The following FAM81B variants were observed in gnomAD, a reference collection of about 807,000 sequenced individuals.
The protein encoded by FAM81B is protein FAM81B.
Under a neutral mutation model 58.7 loss-of-function variants are expected in FAM81B, and 60 were observed. That is an observed-to-expected ratio of 1.02 (90% CI 0.83 to 1.27). The LOEUF (loss-of-function observed/expected upper bound fraction) is 1.27, where lower values mean the gene tolerates loss of function less well. FAM81B is among the 50% of genes most tolerant of loss of function. FAM81B has a pLI of 0.00. For missense variants in FAM81B, 491 were observed against 522.0 expected (o/e 0.94, Z 0.58); for synonymous variants, 189 against 179.6 (o/e 1.05, Z -0.42).
intron 3 of FAM81B, among the ~76,000 whole-genome samples, chr5:95,412,911 T>G (rs1304284447): frequency 6.6e-6 from 1 of 152,184 alleles, no homozygotes; most frequent in East Asian, 1.9e-4. Flanking sequence ...CTATGTTAGA[T>G]TTAGTGGCAA....
intron 5 of FAM81B, among the ~76,000 whole-genome samples, chr5:95,422,081 T>G (rs1180743316): frequency 2.6e-5 from 4 of 151,778 alleles, no homozygotes; most frequent in Non-Finnish European, 5.9e-5. Flanking sequence ...AGGGAGGAGG[T>G]GTCAGGGATG....
intron 3 of FAM81B, among the ~76,000 whole-genome samples, chr5:95,404,228 C>A: frequency 6.6e-6 from 1 of 152,146 alleles, no homozygotes; most frequent in East Asian, 1.9e-4. Flanking sequence ...TCCCTTCTGC[C>A]TCTGACTCAT....
At chr5:95,409,459 T>C (rs930915145) in intron 3 of FAM81B, among the ~76,000 whole-genome samples, 1 of 111,938 alleles carries the variant, frequency 8.9e-6, no homozygotes, top group Non-Finnish European at 2.1e-5. Context: ...ACGCCTGGCC[T>C]GTCATCAGTT....
At chr5:95,407,158 A>T (rs1762269526) in intron 3 of FAM81B, among the ~76,000 whole-genome samples, 1 of 152,058 alleles carries the variant, frequency 6.6e-6, no homozygotes, top group African/African-American at 2.4e-5. Flanking sequence ...CCCACCAGAC[A>T]GTTGAAGTAT....
intron 3 of FAM81B, among the ~76,000 whole-genome samples, chr5:95,398,876 G>A (rs1469450837): frequency 6.6e-6 from 1 of 152,142 alleles, no homozygotes; most frequent in Admixed American, 6.5e-5. Context: ...GAACAGAAAG[G>A]GGGCAAGGAT....
chr5:95,397,227 A>G (rs1761988284), intron 3 of FAM81B, among the ~76,000 whole-genome samples: 1 of 152,230 alleles, frequency 6.6e-6, no homozygotes, highest in African/African-American at 2.4e-5. Flanking sequence ...CATGTTCCAC[A>G]TAACTTGTAT....
chr5:95,421,758 G>C (rs1279189950), intron 5 of FAM81B, among the ~76,000 whole-genome samples: 1 of 152,196 alleles, frequency 6.6e-6, no homozygotes, highest in Non-Finnish European at 1.5e-5. Flanking sequence ...CAAGGCACTA[G>C]CCATGAAAGC....
intron 3 of FAM81B, among the ~76,000 whole-genome samples, chr5:95,402,786 AC>A (rs1762148134): frequency 1.3e-5 from 2 of 152,114 alleles, no homozygotes; most frequent in Admixed American, 6.6e-5. Flanking sequence ...GACCCTCTTA[AC>A]CTCAGACATA....
At chr5:95,393,428 G>C (rs751989372) in intron 2 of FAM81B, among the ~76,000 whole-genome samples, 1 of 152,112 alleles carries the variant, frequency 6.6e-6, no homozygotes, top group East Asian at 1.9e-4. Context: ...TTATATAATA[G>C]GCTGTACCAC....
At chr5:95,398,299 A>G (rs1762014388) in intron 3 of FAM81B, among the ~76,000 whole-genome samples, 1 of 151,946 alleles carries the variant, frequency 6.6e-6, no homozygotes, top group South Asian at 2.1e-4. Context: ...TGCACCTGTA[A>G]TCCCAGCTAC....
chr5:95,396,089 G>A (rs1407588314), intron 2 of FAM81B, 22 bp from the exon 3 acceptor site: 1 of 1,581,996 alleles, frequency 6.3e-7, no homozygotes, highest in Non-Finnish European at 8.6e-7. Context: ...GATATATTCT[G>A]AATCTGTAAC....
At chr5:95,415,059 A>G (rs1762502107) in intron 4 of FAM81B, among the ~76,000 whole-genome samples, 1 of 152,232 alleles carries the variant, frequency 6.6e-6, no homozygotes, top group South Asian at 2.1e-4. Flanking sequence ...TAAATTAATT[A>G]ATTTTAAGGC....
intron 3 of FAM81B, among the ~76,000 whole-genome samples, chr5:95,400,827 G>T (rs935377922): frequency 6.6e-6 from 1 of 152,018 alleles, no homozygotes; most frequent in African/African-American, 2.4e-5. Flanking sequence ...CCTCAGAGAG[G>T]TTGAAGTTAG....
At chr5:95,396,014 A>C (rs1761955722) in intron 2 of FAM81B, 97 bp from the exon 3 acceptor site, 1 of 958,634 alleles carries the variant, frequency 1.0e-6, no homozygotes, top group Admixed American at 2.3e-5. Flanking sequence ...TATGGTATAC[A>C]TTTTGTTTAA....
chr5:95,433,433 T>A (rs1357450956), intron 6 of FAM81B, among the ~76,000 whole-genome samples: 1 of 152,122 alleles, frequency 6.6e-6, no homozygotes, highest in Non-Finnish European at 1.5e-5. Context: ...GTCCTTCTCA[T>A]GACATGTAGG....
In FAM81B at chr5:95,428,846, A is replaced by G. The variant is rs964955418; in HGVS notation, c.786+114A>G. The stretch of plus-strand genomic sequence containing the variant: ...TTTTTTAAGAGAACTCTTTTCTTCC[A>G]AAGGGTGTAATTCTGACAGCTCACT... On this transcript the variant is annotated intron_variant, in intron 6 of 9. Transcript: ENST00000283357. 3.5e-6 allele frequency: 5 copies of G among 1,424,046 alleles called. No homozygotes were observed. In the African/African-American group the frequency reaches 7.1e-5, roughly 20 times the overall value. 88.2% of individuals were successfully genotyped at this position (1,424,046 alleles called of 1,614,324 possible).
At chr5:95,394,231 A>G (rs1006394307) in intron 2 of FAM81B, among the ~76,000 whole-genome samples, 2 of 152,236 alleles carry the variant, frequency 1.3e-5, no homozygotes. Context: ...GTGGTCTTTC[A>G]AGTAAGACTT....
intron 5 of FAM81B, among the ~76,000 whole-genome samples, chr5:95,425,997 T>A (rs28530676): frequency 0.21 from 31,247 of 149,940 alleles, 3,426 homozygotes; most frequent in African/African-American, 0.26. Context: ...CATTTATCTT[T>A]TCTTAGGTTA....
chr5:95,405,827 T>A (rs1259609977), intron 3 of FAM81B, among the ~76,000 whole-genome samples: 1 of 152,190 alleles, frequency 6.6e-6, no homozygotes, highest in African/African-American at 2.4e-5. Context: ...GGTCTTCACC[T>A]TTTGCTCCCC....
Sources: gnomAD v4.1 joint callset for allele counts (sites outside exome capture counted in the v4.1 genomes callset) on GRCh38, gnomAD v4.1.1 for gene constraint, MANE v1.5 for transcripts, NCBI Gene and HGNC (gene_info 2026-07-23, HGNC 2026-07-21) for gene names.